Variants in BAIAP2 observed in about 807,000 individuals in gnomAD.
BAIAP2 encodes BAR/IMD domain-containing adapter protein 2.
In BAIAP2, 18 loss-of-function variants were observed where a neutral mutation model predicts 63.0. That is an observed-to-expected ratio of 0.29 (90% CI 0.20 to 0.42). The LOEUF (loss-of-function observed/expected upper bound fraction) is 0.42. BAIAP2 is among the 10% of genes least tolerant of loss of function. The pLI, the probability that BAIAP2 is intolerant of heterozygous loss-of-function variation, is 1.00. For missense variants in BAIAP2, 610 were observed against 734.3 expected, an observed-to-expected ratio of 0.83 and a Z score of 1.96; for synonymous variants, 386 against 307.6, an observed-to-expected ratio of 1.25 and a Z score of -2.67.
At chr17:81,068,065 G>T (rs2051839226) in intron 3 of BAIAP2, among the ~76,000 whole-genome samples, 1 of 152,228 alleles carries the variant, frequency 6.6e-6, no homozygotes, top group Non-Finnish European at 1.5e-5. Context: ...CTGCATCTCT[G>T]GGGTCCTGGG....
At chr17:81,075,681 C>T (rs1467754482) in intron 3 of BAIAP2, among the ~76,000 whole-genome samples, 2 of 152,220 alleles carry the variant, frequency 1.3e-5, no homozygotes, top group South Asian at 2.1e-4. Flanking sequence ...TTAACCCTTT[C>T]AGTGCTACGC....
chr17:81,113,446 CAGTT>C (rs1171757058), intron 13 of BAIAP2, among the ~76,000 whole-genome samples: 4 of 152,244 alleles, frequency 2.6e-5, no homozygotes, highest in Non-Finnish European at 5.9e-5. Context: ...TCTATTGGCT[CAGTT>C]AGGCCCCCAC....
chr17:81,104,882 C>T (rs1378590259), intron 10 of BAIAP2, among the ~76,000 whole-genome samples, 167 bp downstream of exon 10: 5 of 152,126 alleles, frequency 3.3e-5, no homozygotes, highest in African/African-American at 4.8e-5. Flanking sequence ...CTGGGGTCTT[C>T]GCCACCAACA....
chr17:81,053,525 C>T, intron 1 of BAIAP2, 143 bp from the exon 2 acceptor site: 1 of 829,148 alleles, frequency 1.2e-6, no homozygotes, highest in East Asian at 2.5e-5. Context: ...GGGATTTGAA[C>T]TTGGGAAGCC....
chr17:81,075,936 A>ATTTTTT (rs56219227), intron 3 of BAIAP2, among the ~76,000 whole-genome samples: 1 of 145,396 alleles, frequency 6.9e-6, no homozygotes, highest in Non-Finnish European at 1.5e-5. Flanking sequence ...TCTGCTGGGA[A>ATTTTTT]TTTTTTTTTT....
intron 11 of BAIAP2, among the ~76,000 whole-genome samples, chr17:81,106,466 G>A (rs745785862): frequency 6.0e-4 from 92 of 152,278 alleles, no homozygotes; most frequent in Middle Eastern, 3.4e-3. Flanking sequence ...TCAGAGAATC[G>A]CAGCTGAAAG....
At chr17:81,109,079 T>G (rs760046051) in intron 13 of BAIAP2, 4 of 1,502,174 alleles carry the variant, frequency 2.7e-6, no homozygotes, top group African/African-American at 1.4e-5. Context: ...TCCTCAGCTC[T>G]CGCTGGTTTG....
intron 10 of BAIAP2, 72 bp from the exon 11 acceptor site, chr17:81,106,006 A>G (rs971782768): frequency 1.5e-5 from 20 of 1,364,642 alleles, no homozygotes; most frequent in African/African-American, 7.2e-5. Flanking sequence ...GGACTTGTGC[A>G]TGGATGGTGG....
chr17:81,101,774 G>A (rs2058520727), intron 7 of BAIAP2, among the ~76,000 whole-genome samples: 1 of 152,260 alleles, frequency 6.6e-6, no homozygotes, highest in Non-Finnish European at 1.5e-5. Flanking sequence ...GTGGGCAGGT[G>A]CAGGCAAGGA....
intron 6 of BAIAP2, among the ~76,000 whole-genome samples, chr17:81,099,445 G>C (rs946781999): frequency 6.6e-6 from 1 of 152,026 alleles, no homozygotes; most frequent in Non-Finnish European, 1.5e-5. Flanking sequence ...AGATGGCTGA[G>C]ATGGCTGAGA....
At chr17:81,085,601 TC>T in intron 4 of BAIAP2, 52 bp from the exon 5 acceptor site, 1 of 1,491,988 alleles carries the variant, frequency 6.7e-7, no homozygotes, top group Non-Finnish European at 9.3e-7. Flanking sequence ...TGCCTCCTGT[TC>T]CGGGTCCATG....
At chr17:81,112,600 C>T (rs1598858871) in intron 13 of BAIAP2, among the ~76,000 whole-genome samples, 1 of 152,366 alleles carries the variant, frequency 6.6e-6, no homozygotes, top group African/African-American at 2.4e-5. Context: ...GAAGGGCCCA[C>T]CTTCTGAAGA....
intron 13 of BAIAP2, among the ~76,000 whole-genome samples, chr17:81,113,958 CTTTTT>C (rs58758919): frequency 1.2e-5 from 1 of 83,168 alleles, no homozygotes; most frequent in Non-Finnish European, 2.3e-5. Flanking sequence ...TGGGAACCCA[CTTTTT>C]TTTTTTTTTT....
rs527766344 is a variant in BAIAP2, at chr17:81,056,155, G to A, written c.131-1726G>A. 3.3e-5 allele frequency among the ~76,000 whole-genome samples: 5 copies of A among 152,322 alleles called. No individual in the cohort carries two copies. The South Asian group carries it at 6.2e-4, about 19-fold the overall frequency. On this transcript the variant is annotated intron_variant, in intron 2 of 13. Coordinates refer to ENST00000428708, the MANE Select transcript of BAIAP2 (RefSeq NM_001144888.2). Reference sequence around the variant, plus strand: ...ATCAGAGTAGGAAGGCTGAGGCCCGGCTCGAGGTGGGTGCAGAGGGCTTCC... The same window carrying A: ...ATCAGAGTAGGAAGGCTGAGGCCCGACTCGAGGTGGGTGCAGAGGGCTTCC...
At chr17:81,037,862 G>A (rs571034291) in intron 1 of BAIAP2, among the ~76,000 whole-genome samples, 2 of 152,374 alleles carry the variant, frequency 1.3e-5, no homozygotes, top group Non-Finnish European at 2.9e-5. Context: ...TTAAAAATGC[G>A]AGAATAAAAA....
At chr17:81,067,242 A>T (rs2051652594) in intron 3 of BAIAP2, among the ~76,000 whole-genome samples, 1 of 152,210 alleles carries the variant, frequency 6.6e-6, no homozygotes, top group Non-Finnish European at 1.5e-5. Context: ...TGAAGAAGCC[A>T]CCAGGATGCT....
At chr17:81,085,551 G>T in intron 4 of BAIAP2, 103 bp from the exon 5 acceptor site, 1 of 956,854 alleles carries the variant, frequency 1.0e-6, no homozygotes, top group Non-Finnish European at 1.7e-6. Context: ...GCACAGCCGG[G>T]ACACCCGGTG....
intron 1 of BAIAP2, among the ~76,000 whole-genome samples, chr17:81,045,072 T>C (rs563251307): frequency 4.1e-4 from 62 of 152,328 alleles, no homozygotes; most frequent in African/African-American, 1.5e-3. Context: ...TGGACTTTGC[T>C]GGGCTGCGGC....
chr17:81,066,139 C>T (rs1237927178), intron 3 of BAIAP2, among the ~76,000 whole-genome samples: 4 of 152,250 alleles, frequency 2.6e-5, no homozygotes, highest in South Asian at 2.1e-4. Flanking sequence ...CTGGAGGCCT[C>T]TGGTGTGTTT....
Sources: allele counts gnomAD v4.1 joint callset (sites outside exome capture counted in the v4.1 genomes callset), GRCh38; gene constraint gnomAD v4.1.1; transcripts MANE v1.5; gene names NCBI Gene and HGNC (gene_info 2026-07-23, HGNC 2026-07-21).